The following STAC variants were observed in gnomAD, a reference collection of about 807,000 sequenced individuals.
The protein encoded by STAC is SH3 and cysteine rich domain, also known as SH3 and cysteine-rich domain-containing protein.
In STAC, 43 loss-of-function variants were observed where a neutral mutation model predicts 48.8. That is an observed-to-expected ratio of 0.88 (90% CI 0.69 to 1.14). The LOEUF is 1.14. Ranked by LOEUF, STAC falls within the 50% of genes most tolerant of loss-of-function variation. The pLI, the probability that STAC is intolerant of heterozygous loss-of-function variation, is 0.00. For missense variants in STAC, 497 were observed against 504.0 expected (o/e 0.99, Z 0.13); for synonymous variants, 193 against 179.5 (o/e 1.07, Z -0.60).
intron 1 of STAC, among the ~76,000 whole-genome samples, chr3:36,397,502 A>G (rs1699878374): frequency 1.3e-5 from 2 of 152,240 alleles, no homozygotes; most frequent in South Asian, 4.1e-4. Context: ...AAAATGATCA[A>G]AATAAATGTG....
At chr3:36,458,340 A>G (rs778560174) in intron 2 of STAC, among the ~76,000 whole-genome samples, 1 of 152,188 alleles carries the variant, frequency 6.6e-6, no homozygotes, top group Non-Finnish European at 1.5e-5. Context: ...ATTGAGAGAT[A>G]TCTAAAGTTT....
intron 2 of STAC, among the ~76,000 whole-genome samples, chr3:36,469,972 C>A (rs1349579400): frequency 1.3e-5 from 2 of 152,052 alleles, no homozygotes; most frequent in African/African-American, 4.8e-5. Context: ...GCATTCATAT[C>A]CTGTATCATG....
At chr3:36,544,397 T>C (rs1355680327) in intron 10 of STAC, among the ~76,000 whole-genome samples, 3 of 152,174 alleles carry the variant, frequency 2.0e-5, no homozygotes, top group Admixed American at 6.5e-5. Context: ...CATGAACTCC[T>C]GACCCCAAGT....
intron 10 of STAC, among the ~76,000 whole-genome samples, chr3:36,543,421 G>A (rs1699374899): frequency 6.6e-6 from 1 of 152,116 alleles, no homozygotes; most frequent in Non-Finnish European, 1.5e-5. Context: ...TCCGTAAAAA[G>A]GTCTCCCAAA....
At chr3:36,472,737 C>T (rs1228981301) in intron 2 of STAC, among the ~76,000 whole-genome samples, 4 of 152,228 alleles carry the variant, frequency 2.6e-5, no homozygotes, top group Non-Finnish European at 4.4e-5. Context: ...CTCATCTCCA[C>T]CTGAGACCAC....
At position 36,485,940 on chromosome 3, in the gene STAC, C is replaced by T. The variant is rs1697797911; in HGVS notation, c.572-194C>T. Reference sequence around the variant, plus strand: ...AGTACTAGCTGGTACATGGCAGGACCTGCAAATGGGAGCATGCTGGGTGGG... The same window carrying T: ...AGTACTAGCTGGTACATGGCAGGACTTGCAAATGGGAGCATGCTGGGTGGG... On this transcript the variant is annotated intron_variant, in intron 4 of 10. Transcript: ENST00000273183. The T allele has an allele frequency of 7.3e-6, 4 of 545,208 alleles. No individual in the cohort carries two copies. The South Asian group carries it at 9.3e-5, about 13-fold the overall frequency. The allele number at this position is 545,208 out of a possible 1,614,324, so 33.8% of individuals were successfully genotyped here. A position where few individuals can be genotyped will look rare whatever the true frequency, so the allele number is the denominator to read the frequency against.
intron 2 of STAC, among the ~76,000 whole-genome samples, chr3:36,476,836 C>A (rs1033863970): frequency 6.6e-6 from 1 of 152,186 alleles, no homozygotes; most frequent in African/African-American, 2.4e-5. Context: ...AGCTTTAAGA[C>A]CCTTCTGTGA....
At position 36,478,566 on chromosome 3, in the gene STAC, C is replaced by T. The variant is rs190260002; in HGVS notation, c.389-4426C>T. 2.2e-3 allele frequency among the ~76,000 whole-genome samples: 337 copies of T among 152,282 alleles called. 2 individuals carry two copies. The highest frequency in any genetic ancestry group is 4.0e-3 in the Non-Finnish European group (269 of 68,022). ...CAGGAGTGCAGTGGCACAATCTCAG[C>T]TCACTGCAGCCTCTGTCTCCTGGGT... On this transcript the variant is annotated intron_variant, in intron 2 of 10. Coordinates refer to ENST00000273183, the MANE Select transcript of STAC (RefSeq NM_003149.3).
At chr3:36,440,448 T>A (rs748469449) in intron 1 of STAC, among the ~76,000 whole-genome samples, 4 of 152,316 alleles carry the variant, frequency 2.6e-5, no homozygotes, top group Non-Finnish European at 5.9e-5. Context: ...GCTTCTGGAC[T>A]CTATCCTAGA....
chr3:36,523,478 G>A (rs1485094756), intron 8 of STAC, among the ~76,000 whole-genome samples: 1 of 152,238 alleles, frequency 6.6e-6, no homozygotes, highest in East Asian at 1.9e-4. Flanking sequence ...ATTGAACTAA[G>A]CAAAGGAAAT....
intron 2 of STAC, among the ~76,000 whole-genome samples, chr3:36,482,694 A>G (rs1697684802): frequency 6.6e-6 from 1 of 152,224 alleles, no homozygotes; most frequent in African/African-American, 2.4e-5. Flanking sequence ...ACCTACATGA[A>G]AAGCAAAGAA....
intron 1 of STAC, among the ~76,000 whole-genome samples, chr3:36,402,880 T>C (rs1700024087): frequency 7.0e-6 from 1 of 143,206 alleles, no homozygotes; most frequent in African/African-American, 3.0e-5. Context: ...GAGTCTTATC[T>C]GCAGAGGAAA....
intron 1 of STAC, among the ~76,000 whole-genome samples, chr3:36,381,941 C>T (rs1575165886): frequency 1.3e-5 from 2 of 152,108 alleles, no homozygotes; most frequent in African/African-American, 2.4e-5. Context: ...TTCTAAAACT[C>T]GGTTGGAAAT....
chr3:36,493,218 G>A lies in STAC; in HGVS notation c.755G>A (p.Arg252His), dbSNP rs558026131. The A allele has an allele frequency of 2.0e-5, 33 of 1,613,150 alleles. No individual in the cohort carries two copies. The South Asian group carries it at 2.2e-4, about 11-fold the overall frequency. ...GGAGGCGGGTATGACCTAAGGAAAC[G>A]CAGCAACAGCGGTGAGTGAGGGAGT... Reference protein sequence around the residue: ...GPGGGYDLRKRSNSVFTYPEN... With the variant: ...GPGGGYDLRKHSNSVFTYPEN... The change falls in exon 6 of 11, where the codon CGC (arginine) becomes CAC (histidine). Residue 252 changes from arginine to histidine, a missense_variant. Transcript: ENST00000273183.
chr3:36,380,533 G>A lies in STAC; in HGVS notation c.-111G>A. The A allele has an allele frequency of 1.2e-6, 1 of 801,528 alleles. No homozygotes were observed. The highest frequency in any genetic ancestry group is 1.6e-5 in the South Asian group (1 of 62,254). The allele number at this position is 801,528 out of a possible 1,614,324, so 49.7% of individuals were successfully genotyped here. A position where few individuals can be genotyped will look rare whatever the true frequency, so the allele number is the denominator to read the frequency against. On this transcript the variant is annotated 5_prime_UTR_variant, in exon 1 of 11. The change abolishes an upstream ATG in the 5' untranslated region. Transcript: ENST00000273183. ...GGCACGTCGGCGCCTCGGCGAGGAT[G>A]GGAGTCCCCAGGACCCGGAGCTGAG...
chr3:36,494,169 A>G (rs1364800166), intron 6 of STAC, among the ~76,000 whole-genome samples: 19 of 150,984 alleles, frequency 1.3e-4, no homozygotes, highest in African/African-American at 3.9e-4. Flanking sequence ...AAAAAAAAAA[A>G]AAAAAGAAAG....
At chr3:36,439,714 T>C (rs915553379) in intron 1 of STAC, among the ~76,000 whole-genome samples, 53 of 152,106 alleles carry the variant, frequency 3.5e-4, no homozygotes, top group South Asian at 6.2e-4. Context: ...GTGAAGAGGG[T>C]CTGTACTGCT....
intron 6 of STAC, among the ~76,000 whole-genome samples, chr3:36,496,345 A>T (rs781713696): frequency 6.6e-6 from 1 of 152,194 alleles, no homozygotes; most frequent in Non-Finnish European, 1.5e-5. Flanking sequence ...AACACCCTAC[A>T]TATGTGGTCC....
intron 1 of STAC, among the ~76,000 whole-genome samples, chr3:36,433,047 G>A (rs948047640): frequency 2.0e-5 from 3 of 152,198 alleles, no homozygotes; most frequent in African/African-American, 7.2e-5. Flanking sequence ...GAGCCCCAGG[G>A]CAGGAGGTAG....
Sources: gnomAD v4.1 joint callset for allele counts (sites outside exome capture counted in the v4.1 genomes callset) on GRCh38, gnomAD v4.1.1 for gene constraint, MANE v1.5 for transcripts, NCBI Gene and HGNC (gene_info 2026-07-23, HGNC 2026-07-21) for gene names.